The following PDGFC variants were observed in gnomAD, a reference collection of about 807,000 sequenced individuals.
PDGFC encodes platelet-derived growth factor C.
In PDGFC, 12 loss-of-function variants were observed where a neutral mutation model predicts 35.5. The ratio of observed to expected loss-of-function variants is 0.34; its 90% CI spans 0.22 to 0.55. The LOEUF is 0.55. PDGFC is among the 20% of genes least tolerant of loss of function. PDGFC has a pLI of 0.91. For missense variants in PDGFC, 322 were observed against 412.4 expected, an observed-to-expected ratio of 0.78 and a Z score of 1.90; for synonymous variants, 159 against 148.8, an observed-to-expected ratio of 1.07 and a Z score of -0.50.
chr4:156,813,829 G>A (rs1363771771), intron 2 of PDGFC, among the ~76,000 whole-genome samples: 3 of 151,980 alleles, frequency 2.0e-5, no homozygotes, highest in Non-Finnish European at 4.4e-5. Flanking sequence ...CTGGATGTTC[G>A]GCTTTTAAAA....
chr4:156,847,320 G>A (rs1729349903), intron 2 of PDGFC, among the ~76,000 whole-genome samples: 1 of 151,730 alleles, frequency 6.6e-6, no homozygotes, highest in African/African-American at 2.4e-5. Flanking sequence ...CTCCTGATAT[G>A]ATAAGGGCAT....
chr4:156,966,037 A>T (rs541568924), intron 1 of PDGFC, among the ~76,000 whole-genome samples: 2 of 152,070 alleles, frequency 1.3e-5, no homozygotes, highest in Admixed American at 1.3e-4. Flanking sequence ...TCTCTTCCCA[A>T]CTCATTGGAA....
At chr4:156,813,681 G>A (rs995645596) in intron 2 of PDGFC, among the ~76,000 whole-genome samples, 2 of 152,114 alleles carry the variant, frequency 1.3e-5, no homozygotes, top group Non-Finnish European at 2.9e-5. Context: ...ATGCAGGTGA[G>A]GTCTTGGTAT....
At chr4:156,915,830 A>G (rs1731145405) in intron 1 of PDGFC, among the ~76,000 whole-genome samples, 3 of 151,832 alleles carry the variant, frequency 2.0e-5, no homozygotes, top group Admixed American at 1.3e-4. Flanking sequence ...AAAGCTACCA[A>G]CTCTCTCACA....
At chr4:156,771,795 A>G (rs973670018) in intron 4 of PDGFC, among the ~76,000 whole-genome samples, 4 of 152,158 alleles carry the variant, frequency 2.6e-5, no homozygotes. Context: ...TAAATTCTCT[A>G]GGCTGTCACT....
rs144157906 is a variant in PDGFC at position 156,863,979 on chromosome 4, C to G, written c.119-13563G>C. Among the ~76,000 whole-genome samples the G allele has an allele frequency of 1.7e-3, 255 of 151,944 alleles. 1 individual carries two copies. The highest frequency in any genetic ancestry group is 6.0e-3 in the African/African-American group (248 of 41,462). On this transcript the variant is annotated intron_variant, in intron 1 of 5. Coordinates refer to ENST00000502773, the MANE Select transcript of PDGFC (RefSeq NM_016205.3). The stretch of plus-strand genomic sequence containing the variant: ...AATAAAATCACTTTTTTTGCCAAAG[C>G]TTCTGTTTGTTTCTTGTTTTTTTTG...
At chr4:156,822,616 AAC>A (rs1264525341) in intron 2 of PDGFC, among the ~76,000 whole-genome samples, 1 of 152,164 alleles carries the variant, frequency 6.6e-6, no homozygotes, top group Non-Finnish European at 1.5e-5. Context: ...CCAGTCTTCA[AAC>A]ACAGCCCCAT....
chr4:156,942,822 G>C (rs996823619), intron 1 of PDGFC, among the ~76,000 whole-genome samples: 1 of 151,102 alleles, frequency 6.6e-6, no homozygotes, highest in Non-Finnish European at 1.5e-5. Context: ...CAATCAAATG[G>C]ATATGAATGA....
chr4:156,921,320 G>A (rs1438749165), intron 1 of PDGFC, among the ~76,000 whole-genome samples: 2 of 152,050 alleles, frequency 1.3e-5, no homozygotes, highest in Non-Finnish European at 2.9e-5. Flanking sequence ...CATGTATTCA[G>A]AACAACAGAT....
chr4:156,891,545 C>T (rs1297549257), intron 1 of PDGFC, among the ~76,000 whole-genome samples: 1 of 152,000 alleles, frequency 6.6e-6, no homozygotes, highest in Non-Finnish European at 1.5e-5. Context: ...CATTCAAATC[C>T]TTTTCAGTGA....
At chr4:156,908,895 T>A (rs1730978412) in intron 1 of PDGFC, among the ~76,000 whole-genome samples, 1 of 152,152 alleles carries the variant, frequency 6.6e-6, no homozygotes, top group Non-Finnish European at 1.5e-5. Flanking sequence ...AAACTATTAT[T>A]CAGCCATAAA....
At chr4:156,784,538 G>A (rs1221116270) in intron 3 of PDGFC, among the ~76,000 whole-genome samples, 9 of 151,968 alleles carry the variant, frequency 5.9e-5, no homozygotes, top group Non-Finnish European at 1.2e-4. Flanking sequence ...GCAGTGAAAT[G>A]GAGAAAGCAA....
intron 1 of PDGFC, among the ~76,000 whole-genome samples, chr4:156,859,278 A>G (rs1028759099): frequency 2.9e-4 from 44 of 152,206 alleles, no homozygotes; most frequent in Middle Eastern, 3.4e-3. Context: ...TTAGCATTTT[A>G]GCTTCAAAAG....
chr4:156,955,309 A>C, intron 1 of PDGFC, among the ~76,000 whole-genome samples: 1 of 151,984 alleles, frequency 6.6e-6, no homozygotes, highest in Admixed American at 6.6e-5. Context: ...TGTCCTTTAC[A>C]ATCATCCTGA....
intron 1 of PDGFC, among the ~76,000 whole-genome samples, chr4:156,863,547 T>C (rs528816752): frequency 6.6e-6 from 1 of 152,172 alleles, no homozygotes; most frequent in Non-Finnish European, 1.5e-5. Flanking sequence ...ATAACTTTAA[T>C]AACTAATATG....
Position 156,851,036 on chromosome 4 carries a change from G to A in PDGFC, c.119-620C>T, listed in dbSNP as rs145073435. On this transcript the variant is annotated intron_variant, in intron 1 of 5. Transcript: ENST00000502773. ...CATACCATACGACACACTATTTACAGCTTCTTACCTCTTTTTATTACCATT... is the reference window on the plus strand; with the variant it reads ...CATACCATACGACACACTATTTACAACTTCTTACCTCTTTTTATTACCATT... Among the ~76,000 whole-genome samples the A allele has an allele frequency of 1.5e-3, 229 of 152,194 alleles. 1 individual carries two copies. The highest frequency in any genetic ancestry group is 4.3e-3 in the Admixed American group (65 of 15,284).
At chr4:156,868,581 T>C (rs1471475419) in intron 1 of PDGFC, among the ~76,000 whole-genome samples, 1 of 152,234 alleles carries the variant, frequency 6.6e-6, no homozygotes, top group Non-Finnish European at 1.5e-5. Flanking sequence ...TACTATCTTT[T>C]AGTATCACTT....
At chr4:156,875,292 C>T (rs560312308) in intron 1 of PDGFC, among the ~76,000 whole-genome samples, 1 of 152,062 alleles carries the variant, frequency 6.6e-6, no homozygotes, top group Admixed American at 6.6e-5. Context: ...ATATGGAACA[C>T]AATAACAATC....
chr4:156,815,361 CA>C (rs1367619356), intron 2 of PDGFC, among the ~76,000 whole-genome samples: 7 of 148,614 alleles, frequency 4.7e-5, no homozygotes, highest in East Asian at 3.9e-4. Flanking sequence ...CACACACACA[CA>C]CACACCCCGT....
Sources: allele counts gnomAD v4.1 joint callset (sites outside exome capture counted in the v4.1 genomes callset), GRCh38; gene constraint gnomAD v4.1.1; transcripts MANE v1.5; gene names NCBI Gene and HGNC (gene_info 2026-07-23, HGNC 2026-07-21).